SLC25A48: variants seen among roughly 807,000 people sequenced by gnomAD.
SLC25A48 encodes the protein solute carrier family 25 member 48, also known as CTC-321K16.1.
A neutral mutation model predicts 32.2 loss-of-function variants in SLC25A48; 29 were observed. That is an observed-to-expected ratio of 0.90 (90% CI 0.67 to 1.23). SLC25A48 has a LOEUF of 1.23. Among genes scored for constraint, SLC25A48 ranks in the 50% most tolerant of loss-of-function variants. The probability of loss-of-function intolerance (pLI) is 0.00; values close to 1 mark genes in which losing one functional copy is unlikely to be tolerated. For synonymous variants in SLC25A48, 164 were observed against 172.3 expected (o/e 0.95, Z 0.38); for missense variants, 399 against 422.7 (o/e 0.94, Z 0.49).
chr5:135,612,898 C>A (rs1436380198), intron 1 of SLC25A48, among the ~76,000 whole-genome samples: 1 of 152,158 alleles, frequency 6.6e-6, no homozygotes, highest in Non-Finnish European at 1.5e-5. Flanking sequence ...ACATATATCC[C>A]TTTGATATAC....
intron 3 of SLC25A48, among the ~76,000 whole-genome samples, chr5:135,795,603 A>G (rs966235056): frequency 2.0e-5 from 3 of 151,852 alleles, no homozygotes; most frequent in Non-Finnish European, 1.5e-5. Flanking sequence ...AGGGGGAAAG[A>G]GAATTATATT....
intron 3 of SLC25A48, among the ~76,000 whole-genome samples, chr5:135,792,524 A>G (rs1757058643): frequency 1.3e-5 from 2 of 151,132 alleles, no homozygotes; most frequent in African/African-American, 2.4e-5. Flanking sequence ...ATGTAATGTA[A>G]CCATTATGTG....
At chr5:135,777,767 A>T (rs1413106020) in intron 3 of SLC25A48, among the ~76,000 whole-genome samples, 1 of 126,958 alleles carries the variant, frequency 7.9e-6, no homozygotes, top group Non-Finnish European at 1.7e-5. Context: ...ACCCCCTGTG[A>T]TATTATTCCT....
chr5:135,864,737 A>ATAGT (rs1218132780), intron 4 of SLC25A48, among the ~76,000 whole-genome samples: 2 of 152,254 alleles, frequency 1.3e-5, no homozygotes, highest in Non-Finnish European at 2.9e-5. Context: ...GTTGTCCCAC[A>ATAGT]TAGTTACCAG....
chr5:135,653,686 T>C (rs1753171376), intron 3 of SLC25A48, among the ~76,000 whole-genome samples: 3 of 152,144 alleles, frequency 2.0e-5, no homozygotes, highest in Admixed American at 1.3e-4. Context: ...GAGAAGACTT[T>C]CCCATAAGAC....
chr5:135,809,842 T>C (rs1309943986), intron 3 of SLC25A48, among the ~76,000 whole-genome samples: 1 of 152,232 alleles, frequency 6.6e-6, no homozygotes, highest in Admixed American at 6.5e-5. Context: ...CCAATGGACC[T>C]TCTTTTTTCT....
chr5:135,752,982 A>G (rs1486376408), intron 3 of SLC25A48, among the ~76,000 whole-genome samples: 1 of 152,098 alleles, frequency 6.6e-6, no homozygotes, highest in Non-Finnish European at 1.5e-5. Flanking sequence ...GGGTTTACGC[A>G]CACATGGTGT....
chr5:135,886,210 C>T (rs947134009), intron 7 of SLC25A48, among the ~76,000 whole-genome samples: 1 of 152,074 alleles, frequency 6.6e-6, no homozygotes, highest in African/African-American at 2.4e-5. Flanking sequence ...AGCTAGGGCT[C>T]CCTGCTGGAT....
chr5:135,638,343 C>T (rs960111154), intron 3 of SLC25A48, among the ~76,000 whole-genome samples: 3 of 152,092 alleles, frequency 2.0e-5, no homozygotes, highest in African/African-American at 7.2e-5. Flanking sequence ...GAAAATATGG[C>T]TTACACTTTA....
intron 1 of SLC25A48, among the ~76,000 whole-genome samples, chr5:135,583,965 A>G (rs1751295231): frequency 6.6e-6 from 1 of 152,232 alleles, no homozygotes; most frequent in Admixed American, 6.5e-5. Context: ...TTGAAGGACC[A>G]AGGTTCCCAA....
At chr5:135,860,270 T>C (rs939451777) in intron 4 of SLC25A48, among the ~76,000 whole-genome samples, 19 of 152,254 alleles carry the variant, frequency 1.2e-4, no homozygotes, top group African/African-American at 4.3e-4. Flanking sequence ...TCTCCCATTT[T>C]TCTTGAGACC....
At chr5:135,655,983 A>G (rs1753237602) in intron 3 of SLC25A48, among the ~76,000 whole-genome samples, 1 of 152,060 alleles carries the variant, frequency 6.6e-6, no homozygotes, top group Non-Finnish European at 1.5e-5. Context: ...CTTTCTGTCA[A>G]TTTTGACCCC....
intron 1 of SLC25A48, among the ~76,000 whole-genome samples, chr5:135,616,619 G>C (rs1752197690): frequency 6.6e-6 from 1 of 152,156 alleles, no homozygotes; most frequent in Non-Finnish European, 1.5e-5. Flanking sequence ...GATTTTACAG[G>C]CTCATAGACA....
At position 135,659,540 on chromosome 5, in the gene SLC25A48, C is replaced by T. The variant is rs114884392; in HGVS notation, c.-521+24584C>T. 4.2e-3 allele frequency among the ~76,000 whole-genome samples: 638 copies of T among 152,342 alleles called. 4 individuals are homozygous for T. The highest frequency in any genetic ancestry group is 0.014 in the African/African-American group (600 of 41,582). ...AAGTCTTCCAACCTCTGCTCATTAT[C>T]CAGTTCCAAAGTTGCTTTGACATTT... On this transcript the variant is annotated intron_variant, in intron 3 of 10. Coordinates refer to the SLC25A48 transcript ENST00000646290.
At position 135,874,112 on chromosome 5, in the gene SLC25A48, C is replaced by A; in HGVS notation, c.771C>A (p.Val257=). 1.3e-6 allele frequency: 2 copies of A among 1,510,356 alleles called. No individual in the cohort carries two copies. Among genetic ancestry groups the A allele is most frequent in the Non-Finnish European group, 1.8e-6 (2 of 1,137,494 alleles). 93.6% of individuals were successfully genotyped at this position (1,510,356 alleles called of 1,614,324 possible). ...DGVYLNKYKG[V]LDCISQSYQK... ...TTTATTTAAACAAATATAAAGGTGT[C>A]CTGGACTGTATCTCCCAGAGTTACC... Residue 257 remains valine, a synonymous_variant, in exon 6 of 8, where the codon GTC becomes GTA. Transcript: ENST00000681962.
At chr5:135,596,995 A>T (rs758649460) in intron 1 of SLC25A48, among the ~76,000 whole-genome samples, 2 of 152,180 alleles carry the variant, frequency 1.3e-5, no homozygotes, top group African/African-American at 4.8e-5. Context: ...TCGTCTTTTG[A>T]AAAAAGAGCC....
intron 3 of SLC25A48, among the ~76,000 whole-genome samples, chr5:135,700,371 C>CAAA (rs34125451): frequency 0.5 from 33,629 of 67,802 alleles, 9,872 homozygotes; most frequent in South Asian, 0.58. Flanking sequence ...GACTCTGTCT[C>CAAA]AAAAAAAAAA....
chr5:135,856,865 T>G (rs1760366785), intron 4 of SLC25A48, among the ~76,000 whole-genome samples: 1 of 152,224 alleles, frequency 6.6e-6, no homozygotes, highest in African/African-American at 2.4e-5. Context: ...GGCTCTTTGC[T>G]CTATCCCGAC....
At chr5:135,583,833 T>C (rs1427187992) in intron 1 of SLC25A48, among the ~76,000 whole-genome samples, 1 of 152,160 alleles carries the variant, frequency 6.6e-6, no homozygotes, top group Non-Finnish European at 1.5e-5. Context: ...AGCTCCTCCC[T>C]CTGTCTGTTC....
Sources: gnomAD v4.1 joint callset for allele counts (sites outside exome capture counted in the v4.1 genomes callset) on GRCh38, gnomAD v4.1.1 for gene constraint, MANE v1.5 for transcripts, NCBI Gene and HGNC (gene_info 2026-07-23, HGNC 2026-07-21) for gene names.